Variants in FAM20B observed in about 807,000 individuals in gnomAD.
FAM20B encodes FAM20B glycosaminoglycan xylosylkinase.
FAM20B carries 23 observed loss-of-function variants against 43.8 expected under a neutral mutation model. That is an observed-to-expected ratio of 0.53 (90% CI 0.38 to 0.74). FAM20B has a LOEUF of 0.74. FAM20B is among the 30% of genes least tolerant of loss of function. FAM20B has a pLI of 0.00. For missense variants in FAM20B, 440 were observed against 510.5 expected (o/e 0.86, Z 1.33); for synonymous variants, 178 against 192.4 (o/e 0.93, Z 0.62).
chr1:179,055,845 G>T (rs1007956146), intron 4 of FAM20B, among the ~76,000 whole-genome samples: 4 of 152,142 alleles, frequency 2.6e-5, no homozygotes, highest in African/African-American at 7.2e-5. Flanking sequence ...GCAAAATAAT[G>T]GGAATATTAA....
rs879277214 is a variant in FAM20B, at chr1:179,073,205, C to T, written c.*1061C>T. The T allele has an allele frequency of 1.3e-5, 2 of 152,214 alleles. No homozygotes were observed. Among genetic ancestry groups the T allele is most frequent in the Admixed American group, 6.5e-5 (1 of 15,284 alleles). 9.4% of individuals were successfully genotyped at this position (152,214 alleles called of 1,614,324 possible). On this transcript the variant is annotated 3_prime_UTR_variant, in exon 8 of 8. Coordinates refer to ENST00000263733, the MANE Select transcript of FAM20B (RefSeq NM_014864.4). Reference sequence around the variant, plus strand: ...CCCTTTCTCATAAGAAAGGGACACTCCTACAGGTGAGAGTGTATACCTTAC... The same window carrying T: ...CCCTTTCTCATAAGAAAGGGACACTTCTACAGGTGAGAGTGTATACCTTAC...
intron 1 of FAM20B, chr1:179,035,590 G>C (rs886541455): frequency 7.0e-6 from 4 of 568,894 alleles, no homozygotes; most frequent in Non-Finnish European, 1.3e-5. Flanking sequence ...TTCATGCAGC[G>C]AATGGCTGCA....
chr1:179,049,974 A>G (rs1380126556), intron 2 of FAM20B, among the ~76,000 whole-genome samples: 2 of 152,254 alleles, frequency 1.3e-5, no homozygotes, highest in African/African-American at 4.8e-5. Context: ...CTTGCCTTCC[A>G]GAAAACTACC....
At chr1:179,033,031 T>C (rs1416486218) in intron 1 of FAM20B, among the ~76,000 whole-genome samples, 1 of 152,200 alleles carries the variant, frequency 6.6e-6, no homozygotes, top group African/African-American at 2.4e-5. Flanking sequence ...AATAATAATA[T>C]GCACAGTGCC....
intron 3 of FAM20B, among the ~76,000 whole-genome samples, chr1:179,051,901 G>A (rs1651023858): frequency 6.6e-6 from 1 of 151,974 alleles, no homozygotes; most frequent in Non-Finnish European, 1.5e-5. Flanking sequence ...GCCCACCTCA[G>A]CCTCCCAAAG....
Position 179,074,103 on chromosome 1 carries a change from TA to T in FAM20B, c.*1961del, listed in dbSNP as rs1652042168. On this transcript the variant is annotated 3_prime_UTR_variant, in exon 8 of 8. Transcript: ENST00000263733. ...TTTCTTGCATTGAAAGATAACTGAG[TA>T]ATAACCTGTAACTATTTTTAAATGG... 12 of 152,774 alleles carry T rather than the reference TA, an allele frequency of 7.9e-5. No homozygotes were observed. The South Asian group carries it at 2.5e-3, about 32-fold the overall frequency. The allele number at this position is 152,774 out of a possible 1,614,324, so 9.5% of individuals were successfully genotyped here.
chr1:179,049,657 C>T (rs541082047), intron 2 of FAM20B, among the ~76,000 whole-genome samples: 1 of 152,308 alleles, frequency 6.6e-6, no homozygotes, highest in Admixed American at 6.5e-5. Context: ...TCTCCTGACT[C>T]AGCCTCCTGA....
Position 179,064,368 on chromosome 1 carries a change from G to T in FAM20B, c.810G>T (p.Pro270=), listed in dbSNP as rs150381478. ...VKKTSPYDSG[P]RLLDIIDTAV... ...AAACGTCCCCTTATGACTCTGGCCCGCGCCTCTTGGACATCATTGACACAG... is the reference window on the plus strand; with the variant it reads ...AAACGTCCCCTTATGACTCTGGCCCTCGCCTCTTGGACATCATTGACACAG... The change falls in exon 6 of 8, where the codon CCG becomes CCT. Residue 270 remains proline (P), a synonymous_variant. Coordinates refer to ENST00000263733, the MANE Select transcript of FAM20B (RefSeq NM_014864.4). 1 of 1,614,078 alleles carries T rather than the reference G, an allele frequency of 6.2e-7. No individual in the cohort carries two copies. The highest frequency in any genetic ancestry group is 1.7e-5 in the Admixed American group (1 of 60,016).
At position 179,072,518 on chromosome 1, in the gene FAM20B, G is replaced by A. The variant is rs150142585; in HGVS notation, c.*374G>A. ...TTGAACCTTGCAGTCCTTTCTCTAC[G>A]CCCGTGGATTTTGTGGAAACACTTT... On this transcript the variant is annotated 3_prime_UTR_variant, in exon 8 of 8. Transcript: ENST00000263733. 29 of 187,104 alleles carry A rather than the reference G, an allele frequency of 1.5e-4. No individual in the cohort carries two copies. Among genetic ancestry groups the A allele is most frequent in the Non-Finnish European group, 2.7e-4 (25 of 90,934 alleles). The allele number at this position is 187,104 out of a possible 1,614,324, so 11.6% of individuals were successfully genotyped here.
intron 7 of FAM20B, among the ~76,000 whole-genome samples, chr1:179,071,164 C>T (rs1651906883): frequency 1.3e-5 from 2 of 151,754 alleles, no homozygotes; most frequent in Non-Finnish European, 1.5e-5. Flanking sequence ...GGCGTGGTGG[C>T]GGGTGCCTGT....
chr1:179,050,144 AGTT>A, intron 2 of FAM20B, 132 bp from the exon 3 acceptor site: 1 of 592,502 alleles, frequency 1.7e-6, no homozygotes, highest in South Asian at 2.2e-5. Flanking sequence ...GCTAATCCAC[AGTT>A]GTTTGCAGGG....
intron 7 of FAM20B, among the ~76,000 whole-genome samples, chr1:179,070,498 C>T (rs965005825): frequency 7.4e-6 from 1 of 134,536 alleles, no homozygotes; most frequent in Non-Finnish European, 1.6e-5. Flanking sequence ...GAGAGGGCAA[C>T]AAGGGGCTGA....
At chr1:179,028,665 G>C (rs1183116337) in intron 1 of FAM20B, among the ~76,000 whole-genome samples, 1 of 152,228 alleles carries the variant, frequency 6.6e-6, no homozygotes, top group Non-Finnish European at 1.5e-5. Flanking sequence ...TAAGTGCCAG[G>C]TGGTTTTGTG....
In FAM20B at chr1:179,072,852, A is replaced by T. The variant is rs1651984962; in HGVS notation, c.*708A>T. On this transcript the variant is annotated 3_prime_UTR_variant, in exon 8 of 8. Transcript: ENST00000263733. ...AAAAACAGGTTCCCTTGTATTTAGG[A>T]TCTTAAGGTGTATAAAAAGCAAACA... is the stretch of plus-strand genomic sequence containing the variant. 6.6e-6 allele frequency: 1 copy of T among 152,244 alleles called. No homozygotes were observed. Among genetic ancestry groups the T allele is most frequent in the East Asian group, 1.9e-4 (1 of 5,200 alleles). 9.4% of individuals were successfully genotyped at this position (152,244 alleles called of 1,614,324 possible). A position where few individuals can be genotyped will look rare whatever the true frequency, so the allele number is the denominator to read the frequency against.
intron 1 of FAM20B, among the ~76,000 whole-genome samples, chr1:179,040,647 G>A (rs1264622816): frequency 2.2e-5 from 3 of 136,936 alleles, no homozygotes; most frequent in African/African-American, 3.0e-5. Flanking sequence ...CGGACGGGGC[G>A]GCTGGCCGGG....
chr1:179,063,529 AGTGAGCTGAGATCAC>A (rs1651562722), intron 4 of FAM20B, among the ~76,000 whole-genome samples: 2 of 152,350 alleles, frequency 1.3e-5, no homozygotes, highest in South Asian at 4.1e-4. Context: ...CAGAGGTTGC[AGTGAGCTGAGATCAC>A]GCCACTGCAC....
intron 1 of FAM20B, among the ~76,000 whole-genome samples, chr1:179,040,893 T>A (rs1215082468): frequency 1.5e-5 from 2 of 134,334 alleles, no homozygotes; most frequent in African/African-American, 5.7e-5. Flanking sequence ...TCCTCACTTC[T>A]CAGACGGGGC....
At chr1:179,058,141 A>G (rs1016494933) in intron 4 of FAM20B, among the ~76,000 whole-genome samples, 1 of 152,216 alleles carries the variant, frequency 6.6e-6, no homozygotes, top group Non-Finnish European at 1.5e-5. Flanking sequence ...GCAAATTTAG[A>G]TACAGTAATA....
At chr1:179,069,997 G>C (rs147467484) in intron 7 of FAM20B, among the ~76,000 whole-genome samples, 1 of 152,004 alleles carries the variant, frequency 6.6e-6, no homozygotes, top group Non-Finnish European at 1.5e-5. Flanking sequence ...GTCTTAGTTC[G>C]TTTTGTGCTG....
Sources: allele counts gnomAD v4.1 joint callset (sites outside exome capture counted in the v4.1 genomes callset), GRCh38; gene constraint gnomAD v4.1.1; transcripts MANE v1.5; gene names NCBI Gene and HGNC (gene_info 2026-07-23, HGNC 2026-07-21).